The following NUBPL variants were observed in gnomAD, a reference collection of about 807,000 sequenced individuals.
NUBPL encodes the protein iron-sulfur cluster transfer protein NUBPL.
In NUBPL, 31 loss-of-function variants were observed where a neutral mutation model predicts 45.7. The ratio of observed to expected loss-of-function variants is 0.68; its 90% CI spans 0.51 to 0.92. The LOEUF (loss-of-function observed/expected upper bound fraction) is 0.92. Ranked by LOEUF, NUBPL falls within the 40% of genes least tolerant of loss-of-function variation. The pLI is 0.00. For missense variants in NUBPL, 401 were observed against 398.7 expected, an observed-to-expected ratio of 1.01 and a Z score of -0.05; for synonymous variants, 144 against 140.9, an observed-to-expected ratio of 1.02 and a Z score of -0.15.
chr14:31,677,672 G>C lies in NUBPL; in HGVS notation c.513+4098G>C, dbSNP rs1304333534. On this transcript the variant is annotated intron_variant, in intron 6 of 10. Transcript: ENST00000281081. ...TCCCAAACAAACAGAATCTCTCTCT[G>C]TCTGTTCTGAGCTACCTAAAGCTGG... Among the ~76,000 whole-genome samples, 4 of 152,168 alleles carry C rather than the reference G, an allele frequency of 2.6e-5. No individual in the cohort carries two copies. The East Asian group carries it at 7.7e-4, about 29-fold the overall frequency.
At chr14:31,821,231 A>G (rs2040013135) in intron 7 of NUBPL, among the ~76,000 whole-genome samples, 1 of 152,186 alleles carries the variant, frequency 6.6e-6, no homozygotes, top group Admixed American at 6.5e-5. Flanking sequence ...ACATTAAAGG[A>G]ACCATCAAAG....
intron 6 of NUBPL, among the ~76,000 whole-genome samples, chr14:31,745,804 T>C (rs1028254898): frequency 1.3e-5 from 2 of 151,928 alleles, no homozygotes; most frequent in African/African-American, 4.9e-5. Context: ...TAAAACTCCT[T>C]GACCCTGAAA....
At chr14:31,732,493 C>A (rs2139979740) in intron 6 of NUBPL, among the ~76,000 whole-genome samples, 1 of 151,490 alleles carries the variant, frequency 6.6e-6, no homozygotes, top group African/African-American at 2.4e-5. Context: ...TCTTTATATT[C>A]TGTGTATGAG....
intron 4 of NUBPL, among the ~76,000 whole-genome samples, chr14:31,606,710 C>T (rs1410299419): frequency 1.3e-5 from 2 of 152,120 alleles, no homozygotes; most frequent in Admixed American, 6.5e-5. Context: ...GTTGGCTCCT[C>T]TTTGGGGTAT....
At chr14:31,755,266 A>G (rs1423040050) in intron 6 of NUBPL, among the ~76,000 whole-genome samples, 1 of 152,258 alleles carries the variant, frequency 6.6e-6, no homozygotes, top group East Asian at 1.9e-4. Flanking sequence ...TCCCTGAGGA[A>G]TCGCCACACT....
Position 31,638,512 on chromosome 14 carries a change from T to G in NUBPL, c.383-34843T>G, listed in dbSNP as rs369209664. Among the ~76,000 whole-genome samples, 7 of 151,918 alleles carry G rather than the reference T, an allele frequency of 4.6e-5. No homozygotes were observed. The South Asian group carries it at 8.4e-4, about 18-fold the overall frequency. ...GGTAACCCGACCTTTCTCTCTGGCT[T>G]CCCTTAACATTTTTTCCTTCATTTC... On this transcript the variant is annotated intron_variant, in intron 4 of 10. Coordinates refer to ENST00000281081, the MANE Select transcript of NUBPL (RefSeq NM_025152.3).
rs1355927609 is a variant in NUBPL, at chr14:31,859,226, A to G, written c.*46A>G. The stretch of plus-strand genomic sequence containing the variant: ...TTTGCCTGGTACTGACATTAAGAGG[A>G]CCTTTGGAAATCAGCAATGTGGTGA... On this transcript the variant is annotated 3_prime_UTR_variant, in exon 11 of 11. Coordinates refer to ENST00000281081, the MANE Select transcript of NUBPL (RefSeq NM_025152.3). 6.9e-7 allele frequency: 1 copy of G among 1,455,960 alleles called. No individual in the cohort carries two copies. The highest frequency in any genetic ancestry group is 9.6e-7 in the Non-Finnish European group (1 of 1,036,402). 90.2% of individuals were successfully genotyped at this position (1,455,960 alleles called of 1,614,324 possible). A position where few individuals can be genotyped will look rare whatever the true frequency, so the allele number is the denominator to read the frequency against.
intron 6 of NUBPL, among the ~76,000 whole-genome samples, chr14:31,718,012 A>C (rs1294404924): frequency 6.6e-6 from 1 of 152,184 alleles, no homozygotes; most frequent in Non-Finnish European, 1.5e-5. Context: ...AGTATGTGGT[A>C]GTTAGCCAAA....
At chr14:31,720,733 A>G (rs929262925) in intron 6 of NUBPL, among the ~76,000 whole-genome samples, 2 of 152,230 alleles carry the variant, frequency 1.3e-5, no homozygotes, top group Non-Finnish European at 1.5e-5. Context: ...AGTAAAAAAA[A>G]TTCAGTTCAT....
intron 6 of NUBPL, among the ~76,000 whole-genome samples, chr14:31,772,359 G>T (rs58117033): frequency 0.049 from 7,436 of 152,070 alleles, 235 homozygotes; most frequent in African/African-American, 0.07. Flanking sequence ...AGGCCTTTTT[G>T]GTAGCAGTCC....
At chr14:31,760,114 A>T (rs2138722833) in intron 6 of NUBPL, among the ~76,000 whole-genome samples, 1 of 80,748 alleles carries the variant, frequency 1.2e-5, no homozygotes, top group Non-Finnish European at 2.4e-5. Flanking sequence ...TTACTCTATT[A>T]CTTCTGACTT....
intron 6 of NUBPL, among the ~76,000 whole-genome samples, chr14:31,760,126 A>T (rs1055283575): frequency 6.7e-5 from 2 of 29,816 alleles, no homozygotes; most frequent in Non-Finnish European, 1.2e-4. Flanking sequence ...TTCTGACTTT[A>T]GTGTGTGTGT....
At chr14:31,807,976 A>G (rs113904090) in intron 7 of NUBPL, among the ~76,000 whole-genome samples, 11,611 of 151,976 alleles carry the variant, frequency 0.076, 496 homozygotes, top group Non-Finnish European at 0.091. Flanking sequence ...TGTTCCATTG[A>G]TCTATATCTC....
chr14:31,561,619 A>G (rs2033282591), intron 1 of NUBPL, 72 bp downstream of exon 1: 2 of 1,033,772 alleles, frequency 1.9e-6, no homozygotes, highest in African/African-American at 1.7e-5. Context: ...ATGCCCTGGC[A>G]TTGCTTCTTG....
chr14:31,807,863 C>T (rs2039720533), intron 7 of NUBPL, among the ~76,000 whole-genome samples: 1 of 152,150 alleles, frequency 6.6e-6, no homozygotes, highest in East Asian at 1.9e-4. Flanking sequence ...TTCCCAGCAC[C>T]ATTTATTAAA....
chr14:31,614,103 C>G (rs2034835329), intron 4 of NUBPL, among the ~76,000 whole-genome samples: 1 of 152,012 alleles, frequency 6.6e-6, no homozygotes, highest in Admixed American at 6.6e-5. Context: ...ATATGTAATG[C>G]TGGTCAGTTT....
chr14:31,819,463 A>C (rs2039978629), intron 7 of NUBPL, among the ~76,000 whole-genome samples: 2 of 152,196 alleles, frequency 1.3e-5, no homozygotes, highest in Admixed American at 6.5e-5. Flanking sequence ...CCAGCACTGA[A>C]GTTCTCAATC....
At chr14:31,734,428 A>G (rs896578189) in intron 6 of NUBPL, among the ~76,000 whole-genome samples, 3 of 152,224 alleles carry the variant, frequency 2.0e-5, no homozygotes, top group African/African-American at 7.2e-5. Flanking sequence ...TGACTAGACC[A>G]GTGCACACAG....
chr14:31,809,903 A>C (rs138845062), intron 7 of NUBPL, among the ~76,000 whole-genome samples: 2,464 of 152,148 alleles, frequency 0.016, 65 homozygotes, highest in African/African-American at 0.055. Flanking sequence ...GCAGGTTGTT[A>C]AGTTTCCATG....
Sources: gnomAD v4.1 joint callset for allele counts (sites outside exome capture counted in the v4.1 genomes callset) on GRCh38, gnomAD v4.1.1 for gene constraint, MANE v1.5 for transcripts, NCBI Gene and HGNC (gene_info 2026-07-23, HGNC 2026-07-21) for gene names.